Variants in MEGF9 observed in about 807,000 individuals in gnomAD.
MEGF9 encodes the protein multiple epidermal growth factor-like domains protein 9.
A neutral mutation model predicts 46.8 loss-of-function variants in MEGF9; 6 were observed. The ratio of observed to expected loss-of-function variants is 0.13; its 90% CI spans 0.07 to 0.25. MEGF9 has a LOEUF of 0.25. MEGF9 is among the 10% of genes least tolerant of loss of function. The pLI is 1.00. For synonymous variants in MEGF9, 302 were observed against 330.7 expected, an observed-to-expected ratio of 0.91 and a Z score of 0.94; for missense variants, 683 against 792.4, an observed-to-expected ratio of 0.86 and a Z score of 1.66.
intron 2 of MEGF9, among the ~76,000 whole-genome samples, chr9:120,653,284 C>G (rs2043661605): frequency 6.6e-6 from 1 of 152,128 alleles, no homozygotes; most frequent in Non-Finnish European, 1.5e-5. Flanking sequence ...TAAAGACTTC[C>G]TTTAAGTACA....
intron 1 of MEGF9, among the ~76,000 whole-genome samples, chr9:120,712,010 A>G (rs2043956301): frequency 6.6e-6 from 1 of 152,162 alleles, no homozygotes; most frequent in Admixed American, 6.5e-5. Context: ...AAATCCTAGA[A>G]CTTTGGGAGG....
At chr9:120,617,042 T>A (rs189763708) in intron 3 of MEGF9, among the ~76,000 whole-genome samples, 2 of 151,316 alleles carry the variant, frequency 1.3e-5, no homozygotes, top group Admixed American at 1.3e-4. Flanking sequence ...CATTGTTCAT[T>A]ATGCTCTGCC....
chr9:120,696,639 G>C (rs1373538596), intron 1 of MEGF9, among the ~76,000 whole-genome samples: 2 of 152,156 alleles, frequency 1.3e-5, no homozygotes, highest in African/African-American at 4.8e-5. Context: ...CAGTCTGCTA[G>C]AGTTTAAAGC....
Position 120,602,160 on chromosome 9 carries a change from C to T in MEGF9, c.*3030G>A, listed in dbSNP as rs1473164408. ...AAGTAGCTGAGACTACAGGCACGTA[C>T]ACCCGGCTAATTTTTGTGTTTTTAG... On this transcript the variant is annotated 3_prime_UTR_variant, in exon 6 of 6. Transcript: ENST00000373930. 2 of 152,288 alleles carry T rather than the reference C, an allele frequency of 1.3e-5. No individual in the cohort carries two copies. Among genetic ancestry groups the T allele is most frequent in the Admixed American group, 1.3e-4 (2 of 15,282 alleles). The allele number at this position is 152,288 out of a possible 1,614,324, so 9.4% of individuals were successfully genotyped here.
chr9:120,655,088 T>C (rs1222534816), intron 2 of MEGF9, among the ~76,000 whole-genome samples: 1 of 152,180 alleles, frequency 6.6e-6, no homozygotes, highest in Non-Finnish European at 1.5e-5. Context: ...TGAAGAAAAC[T>C]TTTTAAAAAT....
chr9:120,714,123 C>G lies in MEGF9; in HGVS notation c.236G>C (p.Arg79Thr). The G allele has an allele frequency of 8.1e-7, 1 of 1,241,996 alleles. No individual in the cohort carries two copies. Among genetic ancestry groups the G allele is most frequent in the Non-Finnish European group, 1.0e-6 (1 of 992,968 alleles). 76.9% of individuals were successfully genotyped at this position (1,241,996 alleles called of 1,614,324 possible). ...GACGGTGGCGCGCGGGGGCCCGGTC[C>G]TCGGGGCCTGGGCCGTGGGAGCCGT... is the stretch of plus-strand genomic sequence containing the variant. ...RATAPTAQAP[R>T]TGPPRATVHR... Residue 79 changes from arginine to threonine, a missense_variant, in exon 1 of 6, where the codon AGG becomes ACG. By Grantham distance (71) the Arg-to-Thr change is moderately conservative. This residue lies in a region of MEGF9 where 370 missense variants were observed against 371.3 expected (regional missense o/e 1.00). Coordinates refer to ENST00000373930, the MANE Select transcript of MEGF9 (RefSeq NM_001080497.3).
At chr9:120,628,350 A>G (rs919861018) in intron 2 of MEGF9, among the ~76,000 whole-genome samples, 56 of 151,892 alleles carry the variant, frequency 3.7e-4, no homozygotes, top group Admixed American at 2.3e-3. Context: ...GAAAAAAAGG[A>G]TAGCTTTATT....
intron 1 of MEGF9, among the ~76,000 whole-genome samples, chr9:120,699,695 C>G (rs1437702143): frequency 6.9e-6 from 1 of 144,282 alleles, no homozygotes; most frequent in East Asian, 2.0e-4. Context: ...TGCACTCTAA[C>G]CCGGGTGAAA....
rs185768674 is a variant in MEGF9 at position 120,650,193 on chromosome 9, G to A, written c.803+9181C>T. Among the ~76,000 whole-genome samples the A allele has an allele frequency of 4.4e-3, 671 of 152,258 alleles. 2 individuals carry two copies. Among genetic ancestry groups the A allele is most frequent in the African/African-American group, 0.015 (621 of 41,544 alleles). On this transcript the variant is annotated intron_variant, in intron 2 of 5. Transcript: ENST00000373930. ...CTGAGGCAGAGAATTGCTTGAACAC[G>A]GGAGGCGGAGGTTGTAGTGGCAAAA...
intron 1 of MEGF9, among the ~76,000 whole-genome samples, chr9:120,667,877 T>C (rs2043732068): frequency 6.6e-6 from 1 of 152,102 alleles, no homozygotes; most frequent in East Asian, 1.9e-4. Context: ...ATACAAAAAT[T>C]AGTCAGGCAT....
At chr9:120,712,336 C>A (rs2043957829) in intron 1 of MEGF9, among the ~76,000 whole-genome samples, 1 of 152,196 alleles carries the variant, frequency 6.6e-6, no homozygotes, top group African/African-American at 2.4e-5. Context: ...ATCTTCATTT[C>A]ACAATCAAAG....
chr9:120,674,762 G>A (rs1292434370), intron 1 of MEGF9, among the ~76,000 whole-genome samples: 1 of 151,980 alleles, frequency 6.6e-6, no homozygotes, highest in South Asian at 2.1e-4. Context: ...AGAGACAGGG[G>A]TCTTGCTATG....
chr9:120,605,143 GT>G lies in MEGF9; in HGVS notation c.*46del. On this transcript the variant is annotated 3_prime_UTR_variant, in exon 6 of 6. Transcript: ENST00000373930. This position sits in a 1 kb window ranked among gnomAD's most constrained non-coding sequence, Gnocchi z 4.0. ...TTTGTCTGGCCCAGGGGCTGACTCT[GT>G]CTTAGCAAGCACTGTGGTTTAACAA... 1.3e-6 allele frequency: 2 copies of G among 1,548,468 alleles called. No homozygotes were observed. Among genetic ancestry groups the G allele is most frequent in the Non-Finnish European group, 1.7e-6 (2 of 1,144,714 alleles).
chr9:120,662,419 A>C (rs896203741), intron 1 of MEGF9, among the ~76,000 whole-genome samples: 6 of 152,228 alleles, frequency 3.9e-5, no homozygotes, highest in Admixed American at 3.9e-4. Flanking sequence ...TTATGAATCC[A>C]TAACAATATC....
chr9:120,669,605 A>C (rs1248506569), intron 1 of MEGF9, among the ~76,000 whole-genome samples: 2 of 152,066 alleles, frequency 1.3e-5, no homozygotes, highest in Non-Finnish European at 2.9e-5. Flanking sequence ...AGCAGATAAG[A>C]GGTCTGGTCA....
At chr9:120,639,795 A>ATTAAG (rs58977513) in intron 2 of MEGF9, among the ~76,000 whole-genome samples, 99,145 of 151,362 alleles carry the variant, frequency 0.66, 33,016 homozygotes, top group South Asian at 0.75. Context: ...CCCCAATATC[A>ATTAAG]TTTTACATTT....
At chr9:120,608,124 TGGAA>T in intron 4 of MEGF9, 114 bp from the exon 5 acceptor site, 1 of 1,220,964 alleles carries the variant, frequency 8.2e-7, no homozygotes, top group Non-Finnish European at 1.1e-6. Flanking sequence ...GAGGCCAAGG[TGGAA>T]GGATCGCTTG....
intron 1 of MEGF9, among the ~76,000 whole-genome samples, chr9:120,698,934 C>T (rs904505806): frequency 8.5e-5 from 13 of 152,150 alleles, no homozygotes; most frequent in African/African-American, 3.1e-4. Flanking sequence ...GGCACCTTGT[C>T]TTCTCTCATC....
At chr9:120,692,933 A>G (rs972895465) in intron 1 of MEGF9, among the ~76,000 whole-genome samples, 1 of 152,152 alleles carries the variant, frequency 6.6e-6, no homozygotes, top group Non-Finnish European at 1.5e-5. Context: ...TCTGTAGTAC[A>G]TACCACTATG....
Sources: gnomAD v4.1 joint callset for allele counts (sites outside exome capture counted in the v4.1 genomes callset) on GRCh38, gnomAD v4.1.1 for gene constraint, gnomAD v4.1.1 regional missense constraint, Gnocchi (gnomAD v3.1) non-coding constraint, MANE v1.5 for transcripts, NCBI Gene and HGNC (gene_info 2026-07-23, HGNC 2026-07-21) for gene names.